Variants in EFNA5 observed in about 807,000 individuals in gnomAD.
EFNA5 encodes the protein ephrin A5.
A neutral mutation model predicts 22.9 loss-of-function variants in EFNA5; 5 were observed. The observed-to-expected ratio is 0.22, with a 90% CI of 0.11 to 0.46. The LOEUF (loss-of-function observed/expected upper bound fraction) is 0.46, where lower values mean the gene tolerates loss of function less well. Among genes scored for constraint, EFNA5 ranks in the 20% least tolerant of loss-of-function variants. The pLI is 0.99. For synonymous variants in EFNA5, 113 were observed against 112.2 expected (o/e 1.01, Z -0.04); for missense variants, 237 against 293.3 (o/e 0.81, Z 1.40).
chr5:107,467,951 A>G (rs940770483), intron 1 of EFNA5, among the ~76,000 whole-genome samples: 7 of 152,226 alleles, frequency 4.6e-5, no homozygotes, highest in African/African-American at 1.4e-4. Context: ...ATTCATAATC[A>G]TATTATAGCT....
chr5:107,384,165 A>G (rs3797507), intron 4 of EFNA5, among the ~76,000 whole-genome samples: 1 of 152,206 alleles, frequency 6.6e-6, no homozygotes, highest in African/African-American at 2.4e-5. Context: ...CATAGGTAAA[A>G]TCTATCCCAA....
chr5:107,620,495 C>T (rs1255908586), intron 1 of EFNA5, among the ~76,000 whole-genome samples: 2 of 152,158 alleles, frequency 1.3e-5, no homozygotes, highest in African/African-American at 2.4e-5. Context: ...TTAAAAAATA[C>T]ATTTTTTTCT....
intron 1 of EFNA5, among the ~76,000 whole-genome samples, chr5:107,472,056 A>G (rs1481176499): frequency 6.6e-6 from 1 of 152,258 alleles, no homozygotes; most frequent in Non-Finnish European, 1.5e-5. Context: ...AGATATTCAC[A>G]GAAAACACAT....
chr5:107,464,839 C>T (rs1749930085), intron 1 of EFNA5, among the ~76,000 whole-genome samples: 1 of 152,178 alleles, frequency 6.6e-6, no homozygotes, highest in Non-Finnish European at 1.5e-5. Context: ...GGAAAATAAA[C>T]ACCTCAAGTC....
intron 1 of EFNA5, among the ~76,000 whole-genome samples, chr5:107,588,396 C>G (rs1471752476): frequency 6.6e-6 from 1 of 152,074 alleles, no homozygotes. Flanking sequence ...ATGTTCATCC[C>G]CTATTTATCC....
chr5:107,521,348 G>A (rs250251), intron 1 of EFNA5, among the ~76,000 whole-genome samples: 106,314 of 151,514 alleles, frequency 0.7, 37,639 homozygotes, highest in East Asian at 0.94. Context: ...GGAGTACAAT[G>A]GCATGATCAT....
intron 1 of EFNA5, among the ~76,000 whole-genome samples, chr5:107,521,663 GC>G (rs1368810709): frequency 2.0e-5 from 3 of 151,864 alleles, no homozygotes; most frequent in African/African-American, 7.3e-5. Context: ...CACTGTTGCT[GC>G]CCAGCTTCGT....
rs146464526 is a variant in EFNA5 at position 107,642,177 on chromosome 5, A to G, written c.125+28312T>C. The stretch of plus-strand genomic sequence containing the variant: ...ACATTTCACTTTTGTTTAAAAGGCC[A>G]AGGAGGGGACTGTAGGGATTGGAGA... On this transcript the variant is annotated intron_variant, in intron 1 of 4. Transcript: ENST00000333274. Among the ~76,000 whole-genome samples the G allele has an allele frequency of 4.4e-3, 677 of 152,304 alleles. 8 individuals carry two copies. Among genetic ancestry groups the G allele is most frequent in the African/African-American group, 0.016 (649 of 41,582 alleles).
intron 2 of EFNA5, among the ~76,000 whole-genome samples, chr5:107,394,288 C>CATGG: frequency 6.6e-6 from 1 of 152,246 alleles, no homozygotes; most frequent in African/African-American, 2.4e-5. Context: ...AGACTTAAAT[C>CATGG]ATGGGCAGGT....
chr5:107,497,693 G>A (rs1277789133), intron 1 of EFNA5, among the ~76,000 whole-genome samples: 3 of 151,986 alleles, frequency 2.0e-5, no homozygotes, highest in Non-Finnish European at 4.4e-5. Context: ...TAACACGCAG[G>A]GCACAGTGCA....
chr5:107,559,084 GAC>G (rs1042127258), intron 1 of EFNA5, among the ~76,000 whole-genome samples: 2 of 152,174 alleles, frequency 1.3e-5, no homozygotes, highest in East Asian at 3.9e-4. Context: ...TCAGGGAACT[GAC>G]ACAGTTTCGT....
In EFNA5 at chr5:107,513,261, G is replaced by GGA. The variant is rs145077941; in HGVS notation, c.126-85754_126-85753dup. 1.1e-3 allele frequency among the ~76,000 whole-genome samples: 161 copies of GGA among 150,874 alleles called. No homozygotes were observed. In the East Asian group the frequency reaches 0.02, roughly 19 times the overall value. Reference sequence around the variant, plus strand: ...TCCTGAGCCAAGAGGAGAGGGAGAGGGAGAGAGAGAGAGAGAGACTCTATC... The same window carrying GGA: ...TCCTGAGCCAAGAGGAGAGGGAGAGGGAGAGAGAGAGAGAGAGAGACTCTATC... On this transcript the variant is annotated intron_variant, in intron 1 of 4. Coordinates refer to ENST00000333274, the MANE Select transcript of EFNA5 (RefSeq NM_001962.3).
chr5:107,493,319 A>C (rs1320161712), intron 1 of EFNA5, among the ~76,000 whole-genome samples: 1 of 151,792 alleles, frequency 6.6e-6, no homozygotes, highest in African/African-American at 2.4e-5. Context: ...GGCATATTTT[A>C]TCTCTAGAGT....
intron 1 of EFNA5, among the ~76,000 whole-genome samples, chr5:107,580,122 C>T (rs989450854): frequency 6.6e-6 from 1 of 152,166 alleles, no homozygotes; most frequent in African/African-American, 2.4e-5. Flanking sequence ...TATAGCTGCA[C>T]ACAAATTACA....
At chr5:107,547,056 C>T (rs913698939) in intron 1 of EFNA5, among the ~76,000 whole-genome samples, 2 of 152,204 alleles carry the variant, frequency 1.3e-5, no homozygotes, top group Non-Finnish European at 2.9e-5. Context: ...CAAGCTCAAA[C>T]TGACAACCAA....
At chr5:107,657,848 T>G (rs928776163) in intron 1 of EFNA5, among the ~76,000 whole-genome samples, 1 of 152,046 alleles carries the variant, frequency 6.6e-6, no homozygotes, top group Non-Finnish European at 1.5e-5. Context: ...ATACACAGAG[T>G]GAAGATCAGT....
intron 1 of EFNA5, among the ~76,000 whole-genome samples, chr5:107,545,350 G>T (rs72789671): frequency 0.13 from 19,927 of 152,202 alleles, 1,361 homozygotes; most frequent in South Asian, 0.15. Flanking sequence ...TATGAAATTG[G>T]TTTTCTACCA....
At chr5:107,472,264 T>C (rs1001958444) in intron 1 of EFNA5, among the ~76,000 whole-genome samples, 1 of 152,194 alleles carries the variant, frequency 6.6e-6, no homozygotes, top group African/African-American at 2.4e-5. Context: ...ACACTTGTTT[T>C]ATTACATGTT....
intron 1 of EFNA5, among the ~76,000 whole-genome samples, chr5:107,458,431 A>G (rs758303791): frequency 1.3e-5 from 2 of 152,030 alleles, no homozygotes; most frequent in Non-Finnish European, 1.5e-5. Flanking sequence ...CTTGGAGATA[A>G]GAAAAGGCTT....
Sources: allele counts gnomAD v4.1 joint callset (sites outside exome capture counted in the v4.1 genomes callset), GRCh38; gene constraint gnomAD v4.1.1; transcripts MANE v1.5; gene names NCBI Gene and HGNC (gene_info 2026-07-23, HGNC 2026-07-21).